The following CCM2L variants were observed in gnomAD, a reference collection of about 807,000 sequenced individuals.
CCM2L encodes the protein CCM2 like scaffold protein.
Under a neutral mutation model 54.1 loss-of-function variants are expected in CCM2L, and 36 were observed. The ratio of observed to expected loss-of-function variants is 0.67; its 90% CI spans 0.51 to 0.88. CCM2L has a LOEUF of 0.88. Among genes scored for constraint, CCM2L ranks in the 40% least tolerant of loss-of-function variants. The pLI is 0.00. For missense variants in CCM2L, 700 were observed against 812.1 expected (o/e 0.86, Z 1.68); for synonymous variants, 351 against 359.3 (o/e 0.98, Z 0.26).
Position 32,019,367 on chromosome 20 carries a change from C to T in CCM2L, c.891C>T (p.Pro297=), listed in dbSNP as rs770011846. 29 of 1,521,836 alleles carry T rather than the reference C, an allele frequency of 1.9e-5. No homozygotes were observed. The East Asian group carries it at 3.3e-4, about 17-fold the overall frequency. 94.3% of individuals were successfully genotyped at this position (1,521,836 alleles called of 1,614,324 possible). A position where few individuals can be genotyped will look rare whatever the true frequency, so the allele number is the denominator to read the frequency against. ...CGCTCGACCCGCAGGACCCCAGCCC[C>T]GACGCCTACTGCAACCTGGTCATCC... ...PNPLDPQDPS[P]DAYCNLVILA... Residue 297 remains proline, a synonymous_variant, in exon 5 of 10, where the codon CCC becomes CCT. Coordinates refer to ENST00000452892, the MANE Select transcript of CCM2L (RefSeq NM_001365692.1).
intron 6 of CCM2L, among the ~76,000 whole-genome samples, chr20:32,024,483 TTTAC>T (rs2064835513): frequency 6.6e-6 from 1 of 152,186 alleles, no homozygotes; most frequent in South Asian, 2.1e-4. Flanking sequence ...CTTCATGAAG[TTTAC>T]TTAGTGGAGG....
intron 1 of CCM2L, among the ~76,000 whole-genome samples, chr20:32,014,557 C>T (rs1254822278): frequency 6.6e-5 from 10 of 152,280 alleles, no homozygotes; most frequent in Non-Finnish European, 1.5e-4. Flanking sequence ...TGAGCCACCA[C>T]GCCTGGCCTT....
chr20:32,018,868 C>T lies in CCM2L; in HGVS notation c.467-75C>T, dbSNP rs2122333737. The stretch of plus-strand genomic sequence containing the variant: ...ACCCCAGAGCCGCGAGGTCAGGTGG[C>T]CAGCCGGCCTCGGCGGGGCGGGGGG... On this transcript the variant is annotated intron_variant, in intron 4 of 9. Transcript: ENST00000452892. 9 of 1,237,702 alleles carry T rather than the reference C, an allele frequency of 7.3e-6. No individual in the cohort carries two copies. In the African/African-American group the frequency reaches 7.9e-5, roughly 11 times the overall value. The allele number at this position is 1,237,702 out of a possible 1,614,324, so 76.7% of individuals were successfully genotyped here.
At position 32,031,006 on chromosome 20, in the gene CCM2L, C is replaced by A. The variant is rs1237601186; in HGVS notation, c.1408C>A (p.Arg470=). ...DRRKFLLLGM[R]PFIPDQDIGY... ...CCATGCCCCTCGGCTCGCAGGGATG[C>A]GGCCCTTCATCCCGGACCAGGACAT... Residue 470 remains arginine (R), a synonymous_variant, in exon 10 of 10, where the codon CGG becomes AGG. Coordinates refer to ENST00000452892, the MANE Select transcript of CCM2L (RefSeq NM_001365692.1). 2.3e-6 allele frequency: 3 copies of A among 1,303,958 alleles called. No homozygotes were observed. Among genetic ancestry groups the A allele is most frequent in the African/African-American group, 1.5e-5 (1 of 65,838 alleles). The allele number at this position is 1,303,958 out of a possible 1,614,324, so 80.8% of individuals were successfully genotyped here. A position where few individuals can be genotyped will look rare whatever the true frequency, so the allele number is the denominator to read the frequency against.
At chr20:32,029,933 T>A (rs1207280877) in intron 9 of CCM2L, 95 bp downstream of exon 9, 2 of 1,355,496 alleles carry the variant, frequency 1.5e-6, no homozygotes, top group Non-Finnish European at 1.9e-6. Context: ...TTTCTCCTTA[T>A]CTTTCAGCCT....
At chr20:32,011,067 G>A in intron 1 of CCM2L, among the ~76,000 whole-genome samples, 1 of 152,062 alleles carries the variant, frequency 6.6e-6, no homozygotes, top group Admixed American at 6.6e-5. Flanking sequence ...TGGAGTTCAG[G>A]GAGGCGCTCT....
At chr20:32,023,724 T>C (rs1358773136) in intron 6 of CCM2L, among the ~76,000 whole-genome samples, 1 of 152,170 alleles carries the variant, frequency 6.6e-6, no homozygotes, top group Non-Finnish European at 1.5e-5. Context: ...TGGTTGGTTT[T>C]TGTTGTTGTT....
At position 32,019,177 on chromosome 20, in the gene CCM2L, C is replaced by A; in HGVS notation, c.701C>A (p.Ser234Ter). The A allele has an allele frequency of 2.0e-5, 23 of 1,125,572 alleles. No homozygotes were observed. The highest frequency in any genetic ancestry group is 2.5e-5 in the Non-Finnish European group (23 of 910,350). The allele number at this position is 1,125,572 out of a possible 1,614,324, so 69.7% of individuals were successfully genotyped here. Residue 234 changes from serine to a stop codon, truncating the protein, a stop_gained, in exon 5 of 10, where the codon TCG becomes TAG. Coordinates refer to ENST00000452892, the MANE Select transcript of CCM2L (RefSeq NM_001365692.1). LOFTEE classifies it high-confidence loss of function. ...LERQRAGARA[S>*]GSWERRQTFS... Reference sequence around the variant, plus strand: ...CGCCAGCGCGCCGGGGCGCGGGCGTCGGGCAGCTGGGAGCGACGGCAGACG... The same window carrying A: ...CGCCAGCGCGCCGGGGCGCGGGCGTAGGGCAGCTGGGAGCGACGGCAGACG...
intron 1 of CCM2L, among the ~76,000 whole-genome samples, chr20:32,014,261 ATTTT>A (rs5841095): frequency 1.5e-5 from 2 of 132,218 alleles, no homozygotes; most frequent in African/African-American, 5.9e-5. Flanking sequence ...ATATATATAT[ATTTT>A]TTTTTTTTTT....
intron 5 of CCM2L, among the ~76,000 whole-genome samples, chr20:32,021,337 C>T (rs954433035): frequency 6.6e-6 from 1 of 152,168 alleles, no homozygotes; most frequent in Non-Finnish European, 1.5e-5. Flanking sequence ...GGTACTGAAC[C>T]TGGCCCAGTG....
chr20:32,022,543 T>G (rs992612132), intron 5 of CCM2L, 117 bp from the exon 6 acceptor site: 2 of 1,186,598 alleles, frequency 1.7e-6, no homozygotes, highest in Non-Finnish European at 2.3e-6. Context: ...AAAGCCAATT[T>G]AAAGGGCTCT....
rs199942214 is a variant in CCM2L, at chr20:32,029,137, C to T, written c.1263+13C>T. 49 of 1,614,088 alleles carry T rather than the reference C, an allele frequency of 3.0e-5. No homozygotes were observed. The highest frequency in any genetic ancestry group is 1.7e-4 in the Middle Eastern group (1 of 6,060). On this transcript the variant is annotated intron_variant, in intron 8 of 9. Coordinates refer to ENST00000452892, the MANE Select transcript of CCM2L (RefSeq NM_001365692.1). ...TTACATGGTCACGGTGAGCTGGGGC[C>T]GGTGGTGGGAATGGCACAAGCAAAA...
intron 5 of CCM2L, among the ~76,000 whole-genome samples, chr20:32,022,151 TATCA>T (rs56970235): frequency 0.088 from 13,340 of 152,244 alleles, 621 homozygotes; most frequent in African/African-American, 0.13. Context: ...TCCTTCCTTC[TATCA>T]GAGATTGAAT....
At chr20:32,022,178 G>A (rs1272866035) in intron 5 of CCM2L, among the ~76,000 whole-genome samples, 3 of 152,126 alleles carry the variant, frequency 2.0e-5, no homozygotes, top group African/African-American at 7.2e-5. Flanking sequence ...TATTTATCCT[G>A]TTTCCATTTT....
In CCM2L at chr20:32,018,993, G is replaced by A. The variant is rs1420320262; in HGVS notation, c.517G>A (p.Ala173Thr). ...CGGCGTGGATGCCAGCCCAGGCGGCGCAGGACGCGACCCCGGCCCGCCAGG... is the reference window on the plus strand; with the variant it reads ...CGGCGTGGATGCCAGCCCAGGCGGCACAGGACGCGACCCCGGCCCGCCAGG... ...PAGVDASPGG[A>T]GRDPGPPGGA... Residue 173 changes from alanine (A) to threonine (T), a missense_variant, in exon 5 of 10, where the codon GCA becomes ACA. By Grantham distance (58) the Ala-to-Thr change is moderately conservative (BLOSUM62 0). Transcript: ENST00000452892. 3 of 1,383,598 alleles carry A rather than the reference G, an allele frequency of 2.2e-6. No individual in the cohort carries two copies. The highest frequency in any genetic ancestry group is 3.3e-5 in the Admixed American group (1 of 30,168). 85.7% of individuals were successfully genotyped at this position (1,383,598 alleles called of 1,614,324 possible). A position where few individuals can be genotyped will look rare whatever the true frequency, so the allele number is the denominator to read the frequency against.
chr20:32,014,048 A>G (rs1258314516), intron 1 of CCM2L, among the ~76,000 whole-genome samples: 1 of 151,938 alleles, frequency 6.6e-6, no homozygotes, highest in Non-Finnish European at 1.5e-5. Flanking sequence ...CAGAATTTAC[A>G]CCTTTAACCT....
intron 7 of CCM2L, among the ~76,000 whole-genome samples, chr20:32,026,484 A>G (rs2064861734): frequency 6.6e-6 from 1 of 152,124 alleles, no homozygotes; most frequent in South Asian, 2.1e-4. Flanking sequence ...GTTTTGCCAG[A>G]TTCCCACCTG....
At chr20:32,023,171 C>T (rs914842912) in intron 6 of CCM2L, among the ~76,000 whole-genome samples, 7 of 152,116 alleles carry the variant, frequency 4.6e-5, no homozygotes, top group South Asian at 4.2e-4. Context: ...GGGGTTTCAC[C>T]GTCTTGACCA....
rs1018461636 is a variant in CCM2L, at chr20:32,018,911, C to A, written c.467-32C>A. ...GCGGGGGGGTCTCTGAGTCCCGATC[C>A]CCGCGGCTGACGGTCCCCCGGACTC... is the stretch of plus-strand genomic sequence containing the variant. On this transcript the variant is annotated intron_variant, in intron 4 of 9. Coordinates refer to ENST00000452892, the MANE Select transcript of CCM2L (RefSeq NM_001365692.1). 3.8e-5 allele frequency: 49 copies of A among 1,278,344 alleles called. No individual in the cohort carries two copies. The Middle Eastern group carries it at 1.5e-3, about 39-fold the overall frequency. The allele number at this position is 1,278,344 out of a possible 1,614,324, so 79.2% of individuals were successfully genotyped here. A position where few individuals can be genotyped will look rare whatever the true frequency, so the allele number is the denominator to read the frequency against.
Sources: allele counts gnomAD v4.1 joint callset (sites outside exome capture counted in the v4.1 genomes callset), GRCh38; gene constraint gnomAD v4.1.1; transcripts MANE v1.5; gene names NCBI Gene and HGNC (gene_info 2026-07-23, HGNC 2026-07-21).